CCDC180: variants seen among roughly 807,000 people sequenced by gnomAD.
CCDC180 encodes the protein coiled-coil domain-containing protein 180.
CCDC180 carries 154 observed loss-of-function variants against 209.2 expected under a neutral mutation model. The ratio of observed to expected loss-of-function variants is 0.74; its 90% CI spans 0.65 to 0.84. The LOEUF (loss-of-function observed/expected upper bound fraction) is 0.84, where lower values mean the gene tolerates loss of function less well. Ranked by LOEUF, CCDC180 falls within the 40% of genes least tolerant of loss-of-function variation. The pLI is 0.00. For missense variants in CCDC180, 1,874 were observed against 1,997.3 expected, an observed-to-expected ratio of 0.94 and a Z score of 1.18; for synonymous variants, 778 against 749.1, an observed-to-expected ratio of 1.04 and a Z score of -0.63.
intron 18 of CCDC180, among the ~76,000 whole-genome samples, chr9:97,337,514 A>C (rs1192747411): frequency 6.6e-6 from 1 of 151,788 alleles, no homozygotes; most frequent in African/African-American, 2.4e-5. Flanking sequence ...GGATGAAGCC[A>C]ACTTGATCTT....
In CCDC180 at chr9:97,325,186, G is replaced by T; in HGVS notation, c.1539G>T (p.Glu513Asp). Residue 513 changes from glutamate to aspartate, a missense_variant, in exon 14 of 37, where the codon GAG becomes GAT. Glu to Asp is a conservative substitution (Grantham distance 45, BLOSUM62 2). Transcript: ENST00000529487. ...AGCACCGGCAGAAGCACAGCCTGGA[G>T]AGCCAGGTGAGACCCACACCCGGGG... ...MEQHRQKHSL[E>D]SQVQEAHLDR... 6.3e-7 allele frequency: 1 copy of T among 1,592,432 alleles called. No homozygotes were observed.
intron 20 of CCDC180, chr9:97,347,764 G>C (rs1826309334): frequency 2.9e-6 from 1 of 349,734 alleles, no homozygotes; most frequent in Admixed American, 4.5e-5. Context: ...TACTGTTTTA[G>C]CTCTTGGAAC....
Position 97,343,381 on chromosome 9 carries a change from G to A in CCDC180, c.2316G>A (p.Glu772=), listed in dbSNP as rs1422174319. 6.2e-7 allele frequency: 1 copy of A among 1,613,408 alleles called. No individual in the cohort carries two copies. The highest frequency in any genetic ancestry group is 1.3e-5 in the African/African-American group (1 of 74,980). ...KEEGLEEIYY[E]DMESFTISSG... ...AGGGTCTAGAGGAGATATACTATGA[G>A]GACATGGAGTCCTTCACAATCTCCA... The change falls in exon 19 of 37, where the codon GAG becomes GAA. Residue 772 remains glutamate (E), a synonymous_variant. Coordinates refer to ENST00000529487, the MANE Select transcript of CCDC180 (RefSeq NM_020893.6).
In CCDC180 at chr9:97,366,601, T is replaced by A; in HGVS notation, c.4090T>A (p.Cys1364Ser). ...AAAACGCCCAGTCACCAGGCCTGAC[T>A]GCATGTGTGACACCTTTGACCAGTG... ...KEKRPVTRPD[C>S]MCDTFDQCAE... Residue 1364 changes from cysteine (C) to serine (S), a missense_variant, in exon 31 of 37, where the codon TGC (cysteine) becomes AGC (serine). Physicochemically the swap from Cys to Ser is moderately radical, Grantham distance 112. Coordinates refer to ENST00000529487, the MANE Select transcript of CCDC180 (RefSeq NM_020893.6). This position sits in a 1 kb window ranked among gnomAD's most constrained non-coding sequence, Gnocchi z 4.3. 3.1e-6 allele frequency: 5 copies of A among 1,614,156 alleles called. No individual in the cohort carries two copies. The highest frequency in any genetic ancestry group is 4.2e-6 in the Non-Finnish European group (5 of 1,179,998).
chr9:97,344,971 G>A (rs960950829), intron 19 of CCDC180, among the ~76,000 whole-genome samples: 14 of 152,050 alleles, frequency 9.2e-5, no homozygotes, highest in Non-Finnish European at 1.9e-4. Context: ...TCTAAATTAA[G>A]TCATACAGAA....
chr9:97,336,620 T>G (rs573973869), intron 18 of CCDC180, among the ~76,000 whole-genome samples: 8 of 152,318 alleles, frequency 5.3e-5, no homozygotes, highest in East Asian at 3.9e-4. Flanking sequence ...TTGTTCTTTT[T>G]GCTTAGGATT....
At chr9:97,364,672 A>C (rs1826869090) in intron 29 of CCDC180, 1 of 155,614 alleles carries the variant, frequency 6.4e-6, no homozygotes. Context: ...TGAACTTGGC[A>C]GAGAAGGATG....
chr9:97,352,044 C>T (rs748412455), intron 22 of CCDC180, among the ~76,000 whole-genome samples: 2 of 151,926 alleles, frequency 1.3e-5, no homozygotes, highest in African/African-American at 4.8e-5. Flanking sequence ...ACCTGGGAGG[C>T]GGAGGTTGCC....
At chr9:97,360,568 C>T (rs1323165393) in intron 26 of CCDC180, among the ~76,000 whole-genome samples, 1 of 152,166 alleles carries the variant, frequency 6.6e-6, no homozygotes, top group Non-Finnish European at 1.5e-5. Context: ...GCTGGTCAGA[C>T]CATGTCACTT....
chr9:97,326,328 A>T (rs1188027752), intron 14 of CCDC180, among the ~76,000 whole-genome samples: 3 of 152,140 alleles, frequency 2.0e-5, no homozygotes, highest in Admixed American at 6.5e-5. Flanking sequence ...CCCTAGGGGT[A>T]TGATGTGGGC....
intron 11 of CCDC180, among the ~76,000 whole-genome samples, chr9:97,322,557 T>A (rs74982444): frequency 3.5e-4 from 53 of 152,320 alleles, no homozygotes; most frequent in South Asian, 2.3e-3. Context: ...TGGTGCAGTT[T>A]CCCAAAAGGA....
Position 97,376,882 on chromosome 9 carries a change from C to T in CCDC180, c.4962C>T (p.Gly1654=), listed in dbSNP as rs61753637. Residue 1654 remains glycine (G), a synonymous_variant, in exon 37 of 37, where the codon GGC becomes GGT. Transcript: ENST00000529487. ...AGCAGTCCCTGCACACTATCCAAGG[C>T]CTGTATGTGTGACCCTCCGCCCCAC... The part of the protein sequence containing the change: ...SWKQSLHTIQ[G]LYV 1.5e-3 allele frequency: 2,419 copies of T among 1,611,774 alleles called. 30 individuals are homozygous for T. In the African/African-American group the frequency reaches 0.028, roughly 19 times the overall value.
At chr9:97,348,712 A>G (rs1415501697) in intron 20 of CCDC180, among the ~76,000 whole-genome samples, 1 of 152,188 alleles carries the variant, frequency 6.6e-6, no homozygotes, top group Non-Finnish European at 1.5e-5. Flanking sequence ...CTCACTGGAC[A>G]TAAGTATCCG....
At chr9:97,348,602 G>A (rs867404226) in intron 20 of CCDC180, among the ~76,000 whole-genome samples, 16 of 152,070 alleles carry the variant, frequency 1.1e-4, no homozygotes, top group Non-Finnish European at 1.9e-4. Flanking sequence ...GGGTCGGGGG[G>A]GTCTAGGGAC....
In CCDC180 at chr9:97,347,681, C is replaced by A. The variant is rs577495339; in HGVS notation, c.2674+192C>A. Reference sequence around the variant, plus strand: ...TGCAGAAAAAGGTAGTACTCCAAATCCTTCTGTGAGATTTTTTTCTCATTT... The same window carrying A: ...TGCAGAAAAAGGTAGTACTCCAAATACTTCTGTGAGATTTTTTTCTCATTT... On this transcript the variant is annotated intron_variant, in intron 20 of 36. Coordinates refer to ENST00000529487, the MANE Select transcript of CCDC180 (RefSeq NM_020893.6). The A allele has an allele frequency of 7.5e-5, 41 of 547,450 alleles. 1 individual carries two copies. In the South Asian group the frequency reaches 1.2e-3, roughly 16 times the overall value. 33.9% of individuals were successfully genotyped at this position (547,450 alleles called of 1,614,324 possible).
chr9:97,319,523 C>T (rs1281875200), intron 10 of CCDC180, among the ~76,000 whole-genome samples: 1 of 152,124 alleles, frequency 6.6e-6, no homozygotes, highest in African/African-American at 2.4e-5. Flanking sequence ...TGTCTGTTTT[C>T]TTCTTTATGC....
chr9:97,307,521 G>C (rs1832833092), upstream of CCDC180: 20 of 608,652 alleles, frequency 3.3e-5, no homozygotes, highest in Admixed American at 5.2e-4. Context: ...TCAGCACACA[G>C]TAGGCGCCTA....
intron 18 of CCDC180, among the ~76,000 whole-genome samples, chr9:97,337,807 GT>G (rs1352665358): frequency 2.0e-5 from 3 of 152,144 alleles, no homozygotes; most frequent in Non-Finnish European, 4.4e-5. Flanking sequence ...CATTTTTCTG[GT>G]TGGTAGGCTA....
chr9:97,314,904 C>T lies in CCDC180; in HGVS notation c.753C>T (p.Leu251=), dbSNP rs746758810. 2.7e-5 allele frequency: 44 copies of T among 1,614,054 alleles called. No individual in the cohort carries two copies. The highest frequency in any genetic ancestry group is 3.5e-5 in the Non-Finnish European group (41 of 1,180,020). ...AAGTCATAGAGAAAACTTCCTACCT[C>T]ATGCGGCCCGAAGTGTACAGGCTGA... The part of the protein sequence containing the change: ...YAEVIEKTSY[L]MRPEVYRLIN... The change falls in exon 8 of 37, where the codon CTC becomes CTT. Residue 251 remains leucine (L), a synonymous_variant. Transcript: ENST00000529487.
Sources: allele counts gnomAD v4.1 joint callset (sites outside exome capture counted in the v4.1 genomes callset), GRCh38; gene constraint gnomAD v4.1.1; non-coding constraint Gnocchi (gnomAD v3.1); transcripts MANE v1.5; gene names NCBI Gene and HGNC (gene_info 2026-07-23, HGNC 2026-07-21).